Variants in SDK1 observed in about 807,000 individuals in gnomAD.
The protein encoded by SDK1 is sidekick cell adhesion molecule 1.
SDK1 carries 157 observed loss-of-function variants against 245.5 expected under a neutral mutation model. That is an observed-to-expected ratio of 0.64 (90% CI 0.56 to 0.73). The LOEUF is 0.73. Ranked by LOEUF, SDK1 falls within the 30% of genes least tolerant of loss-of-function variation. SDK1 has a pLI of 0.00. For synonymous variants in SDK1, 1,647 were observed against 1,278.5 expected, an observed-to-expected ratio of 1.29 and a Z score of -6.15; for missense variants, 3,583 against 3,002.3, an observed-to-expected ratio of 1.19 and a Z score of -4.52.
At chr7:4,066,097 A>T (rs1256208030) in intron 19 of SDK1, among the ~76,000 whole-genome samples, 1 of 152,150 alleles carries the variant, frequency 6.6e-6, no homozygotes, top group African/African-American at 2.4e-5. Context: ...CAGCTGATAC[A>T]TACAGAAACT....
intron 16 of SDK1, 130 bp from the exon 17 acceptor site, chr7:4,017,041 G>A: frequency 1.2e-6 from 1 of 813,082 alleles, no homozygotes. Flanking sequence ...TATTGTTTAG[G>A]GCTGACCTCT....
At chr7:3,592,457 A>T (rs539552472) in intron 1 of SDK1, among the ~76,000 whole-genome samples, 39 of 152,200 alleles carry the variant, frequency 2.6e-4, no homozygotes, top group African/African-American at 9.1e-4. Context: ...GATAATTATC[A>T]CTCTGCTCAC....
chr7:3,492,963 T>G (rs1210265884), intron 1 of SDK1, among the ~76,000 whole-genome samples: 1 of 152,144 alleles, frequency 6.6e-6, no homozygotes, highest in Admixed American at 6.5e-5. Flanking sequence ...TATTTTTCTA[T>G]TTTTTGAGAC....
intron 1 of SDK1, among the ~76,000 whole-genome samples, chr7:3,356,873 T>C (rs1193058033): frequency 5.3e-5 from 8 of 151,974 alleles, no homozygotes; most frequent in Non-Finnish European, 1.5e-5. Flanking sequence ...CTGACCAACA[T>C]GGTGAAACCC....
chr7:4,054,278 C>G (rs999983432), intron 19 of SDK1, among the ~76,000 whole-genome samples: 1 of 152,176 alleles, frequency 6.6e-6, no homozygotes, highest in African/African-American at 2.4e-5. Context: ...ATTACAGATT[C>G]ATATGCAATT....
At chr7:3,826,371 C>G (rs1034625462) in intron 5 of SDK1, among the ~76,000 whole-genome samples, 7 of 152,180 alleles carry the variant, frequency 4.6e-5, no homozygotes, top group African/African-American at 1.7e-4. Context: ...CCATATTTTA[C>G]TTGATTTTCT....
At chr7:3,925,117 C>T (rs79682221) in intron 5 of SDK1, among the ~76,000 whole-genome samples, 4,460 of 152,080 alleles carry the variant, frequency 0.029, 216 homozygotes, top group African/African-American at 0.1. Context: ...AAAACAACCC[C>T]AGACACCCCA....
At chr7:3,566,531 CTTCT>C (rs1562567523) in intron 1 of SDK1, among the ~76,000 whole-genome samples, 2 of 151,964 alleles carry the variant, frequency 1.3e-5, no homozygotes, top group African/African-American at 4.8e-5. Flanking sequence ...GGCCGATAAA[CTTCT>C]TAAAAACATA....
At chr7:4,049,633 C>T (rs1326457862) in intron 18 of SDK1, among the ~76,000 whole-genome samples, 170 bp downstream of exon 18, 2 of 152,194 alleles carry the variant, frequency 1.3e-5, no homozygotes, top group African/African-American at 4.8e-5. Flanking sequence ...ATCAGCTCTG[C>T]AGGTTCAGAA....
chr7:3,796,989 T>TTTTC (rs34025744), intron 4 of SDK1, among the ~76,000 whole-genome samples: 168 of 151,962 alleles, frequency 1.1e-3, no homozygotes, highest in Non-Finnish European at 1.9e-3. Context: ...TTCCTTTTCT[T>TTTTC]TTTCTTTCTT....
chr7:4,077,556 C>G (rs935313359), intron 21 of SDK1, among the ~76,000 whole-genome samples: 2 of 152,258 alleles, frequency 1.3e-5, no homozygotes, highest in Non-Finnish European at 2.9e-5. Context: ...AAGACATACC[C>G]GAGACTGGGC....
intron 1 of SDK1, among the ~76,000 whole-genome samples, chr7:3,494,807 G>A (rs1302117208): frequency 6.6e-6 from 1 of 152,114 alleles, no homozygotes; most frequent in Non-Finnish European, 1.5e-5. Flanking sequence ...TGTAACTGAG[G>A]GATTTCTACA....
At chr7:3,481,986 C>A (rs1421196180) in intron 1 of SDK1, among the ~76,000 whole-genome samples, 1 of 151,520 alleles carries the variant, frequency 6.6e-6, no homozygotes, top group African/African-American at 2.4e-5. Context: ...AAAAGCAAAG[C>A]TTGAAAAAAA....
At position 3,414,303 on chromosome 7, in the gene SDK1, C is replaced by T. The variant is rs184164799; in HGVS notation, c.298+112419C>T. On this transcript the variant is annotated intron_variant, in intron 1 of 44. Transcript: ENST00000404826. ...GAGACGAGTGGCCTGGAGAATGTGA[C>T]GGAATGGACTGTTTGGCCCAGCCCA... Among the ~76,000 whole-genome samples the T allele has an allele frequency of 9.9e-5, 15 of 152,042 alleles. No homozygotes were observed. The East Asian group carries it at 2.1e-3, about 22-fold the overall frequency.
At chr7:3,868,686 C>T (rs998336234) in intron 5 of SDK1, among the ~76,000 whole-genome samples, 3 of 152,296 alleles carry the variant, frequency 2.0e-5, no homozygotes, top group South Asian at 2.1e-4. Context: ...CAATTCCAAA[C>T]GTCAGCATAA....
intron 1 of SDK1, among the ~76,000 whole-genome samples, chr7:3,473,107 C>G (rs542296314): frequency 6.6e-6 from 1 of 152,124 alleles, no homozygotes; most frequent in Non-Finnish European, 1.5e-5. Flanking sequence ...ACACATTTAC[C>G]GGAGCATCAC....
intron 4 of SDK1, among the ~76,000 whole-genome samples, chr7:3,723,892 ACG>A: frequency 7.3e-6 from 1 of 136,970 alleles, no homozygotes; most frequent in Admixed American, 7.2e-5. Context: ...ATATATATAC[ACG>A]TGTATATACA....
chr7:3,559,574 T>A (rs532925495), intron 1 of SDK1, among the ~76,000 whole-genome samples: 1 of 152,342 alleles, frequency 6.6e-6, no homozygotes, highest in East Asian at 1.9e-4. Flanking sequence ...GACGCTCTTT[T>A]CTGATTCACC....
intron 1 of SDK1, among the ~76,000 whole-genome samples, chr7:3,515,641 T>C (rs896655093): frequency 2.6e-5 from 4 of 152,222 alleles, no homozygotes; most frequent in Admixed American, 6.5e-5. Flanking sequence ...CAAGTAACTT[T>C]CGTGTTTTAG....
Sources: gnomAD v4.1 joint callset for allele counts (sites outside exome capture counted in the v4.1 genomes callset) on GRCh38, gnomAD v4.1.1 for gene constraint, MANE v1.5 for transcripts, NCBI Gene and HGNC (gene_info 2026-07-23, HGNC 2026-07-21) for gene names.